Variants in PARVB observed in about 807,000 individuals in gnomAD.
The protein encoded by PARVB is beta-parvin.
A neutral mutation model predicts 47.0 loss-of-function variants in PARVB; 46 were observed. That is an observed-to-expected ratio of 0.98 (90% CI 0.77 to 1.25). PARVB has a LOEUF of 1.25. Among genes scored for constraint, PARVB ranks in the 50% most tolerant of loss-of-function variants. The pLI is 0.00. For missense variants in PARVB, 473 were observed against 471.6 expected, an observed-to-expected ratio of 1.00 and a Z score of -0.03; for synonymous variants, 196 against 196.3, an observed-to-expected ratio of 1.00 and a Z score of 0.01.
intron 8 of PARVB, chr22:44,145,866 A>G (rs1271148631): frequency 6.6e-6 from 1 of 151,514 alleles, no homozygotes; most frequent in Admixed American, 6.6e-5. Context: ...CTGCATTTAT[A>G]GTTTGCGTAT....
intron 4 of PARVB, among the ~76,000 whole-genome samples, chr22:44,124,425 G>T (rs1399684180): frequency 6.6e-6 from 1 of 152,176 alleles, no homozygotes; most frequent in Admixed American, 6.5e-5. Context: ...TTTCTTTTCT[G>T]CTCAACCTCC....
chr22:44,091,881 T>A (rs2052175926), intron 1 of PARVB, among the ~76,000 whole-genome samples: 1 of 152,100 alleles, frequency 6.6e-6, no homozygotes, highest in Non-Finnish European at 1.5e-5. Context: ...TATATTACCT[T>A]CGGGGGAGTG....
At chr22:44,035,137 T>C (rs1179733292) in intron 1 of PARVB, among the ~76,000 whole-genome samples, 2 of 152,194 alleles carry the variant, frequency 1.3e-5, no homozygotes, top group Non-Finnish European at 2.9e-5. Flanking sequence ...GCTGTATTCT[T>C]ACTACAAAGT....
intron 1 of PARVB, among the ~76,000 whole-genome samples, chr22:44,083,099 G>A (rs983942185): frequency 6.6e-6 from 1 of 152,134 alleles, no homozygotes; most frequent in African/African-American, 2.4e-5. Context: ...CCTCTACGTG[G>A]CCACATCAGG....
At chr22:44,046,167 G>A (rs964302777) in intron 1 of PARVB, among the ~76,000 whole-genome samples, 18 of 152,158 alleles carry the variant, frequency 1.2e-4, no homozygotes, top group African/African-American at 3.1e-4. Context: ...TTATGCTTTC[G>A]GATGCTGTTG....
chr22:44,004,252 A>C (rs948103944), intron 2 of PARVB, among the ~76,000 whole-genome samples: 6 of 152,248 alleles, frequency 3.9e-5, no homozygotes, highest in African/African-American at 1.4e-4. Flanking sequence ...CTGGGGCAGG[A>C]GCAGGCGCTC....
chr22:44,122,532 G>GAC (rs1569134380), intron 4 of PARVB, among the ~76,000 whole-genome samples: 10 of 97,282 alleles, frequency 1.0e-4, no homozygotes, highest in East Asian at 6.0e-4. Flanking sequence ...GAGAGACAGA[G>GAC]AGAGAGAGAG....
chr22:44,171,700 T>C lies in PARVB; in HGVS notation c.*3022T>C. ...CTATCCTCATGCCCACGTCACACTC[T>C]TGTGGGTTTCAAGTCGAACAGTAAA... On this transcript the variant is annotated 3_prime_UTR_variant, in exon 13 of 13. Transcript: ENST00000338758. 6.6e-6 allele frequency: 1 copy of C among 152,038 alleles called. No individual in the cohort carries two copies. The highest frequency in any genetic ancestry group is 2.1e-4 in the South Asian group (1 of 4,808). 9.4% of individuals were successfully genotyped at this position (152,038 alleles called of 1,614,324 possible).
chr22:44,050,459 T>G (rs2051189252), intron 1 of PARVB, among the ~76,000 whole-genome samples: 1 of 151,976 alleles, frequency 6.6e-6, no homozygotes, highest in Non-Finnish European at 1.5e-5. Context: ...TTCTCCTGCC[T>G]CAGCTTCCCA....
At chr22:44,036,331 A>G (rs2050922390) in intron 1 of PARVB, among the ~76,000 whole-genome samples, 2 of 152,120 alleles carry the variant, frequency 1.3e-5, no homozygotes, top group Non-Finnish European at 2.9e-5. Context: ...ATTTCTCTCA[A>G]CTGTGAACAC....
At chr22:44,082,819 C>A (rs1034477067) in intron 1 of PARVB, among the ~76,000 whole-genome samples, 3 of 152,208 alleles carry the variant, frequency 2.0e-5, no homozygotes, top group Non-Finnish European at 4.4e-5. Context: ...GACCGTGTTT[C>A]TGGGCCAAGG....
At chr22:44,117,247 G>C (rs1253639140) in intron 3 of PARVB, among the ~76,000 whole-genome samples, 1 of 152,156 alleles carries the variant, frequency 6.6e-6, no homozygotes, top group Non-Finnish European at 1.5e-5. Context: ...AGAGTGGGGA[G>C]GGAGAAGGGG....
At chr22:44,013,995 G>C (rs2050551773) in intron 2 of PARVB, among the ~76,000 whole-genome samples, 1 of 152,150 alleles carries the variant, frequency 6.6e-6, no homozygotes, top group African/African-American at 2.4e-5. Context: ...TGGGTGGATA[G>C]CTTGAGGCCA....
intron 8 of PARVB, chr22:44,140,832 A>AC (rs1296167143): frequency 8.2e-6 from 2 of 244,578 alleles, no homozygotes; most frequent in African/African-American, 4.6e-5. Flanking sequence ...AGAGGTAATC[A>AC]CTCTCTCTTC....
chr22:44,077,914 T>G (rs1253472337), intron 1 of PARVB, among the ~76,000 whole-genome samples: 1 of 151,950 alleles, frequency 6.6e-6, no homozygotes, highest in African/African-American at 2.4e-5. Flanking sequence ...GCCAGGCTGG[T>G]TTCGAACTCC....
chr22:44,130,593 G>C (rs1044767945), intron 4 of PARVB, among the ~76,000 whole-genome samples: 1 of 152,144 alleles, frequency 6.6e-6, no homozygotes, highest in African/African-American at 2.4e-5. Flanking sequence ...TCCTATTGTG[G>C]CATTAGAATG....
chr22:44,010,614 T>C (rs915391267), intron 2 of PARVB: 1 of 152,212 alleles, frequency 6.6e-6, no homozygotes, highest in Admixed American at 6.5e-5. Context: ...TGAATCACTG[T>C]TGTTTTCAAA....
intron 2 of PARVB, among the ~76,000 whole-genome samples, chr22:44,013,281 A>G (rs1298918743): frequency 6.6e-6 from 1 of 152,226 alleles, no homozygotes; most frequent in African/African-American, 2.4e-5. Flanking sequence ...AAAGAATCCA[A>G]ATTATCCCAT....
intron 1 of PARVB, among the ~76,000 whole-genome samples, chr22:44,071,845 G>A (rs911087673): frequency 2.0e-5 from 3 of 152,126 alleles, no homozygotes; most frequent in African/African-American, 4.8e-5. Context: ...GGCAATAATC[G>A]GGGTAACCCA....
Sources: allele counts gnomAD v4.1 joint callset (sites outside exome capture counted in the v4.1 genomes callset), GRCh38; gene constraint gnomAD v4.1.1; transcripts MANE v1.5; gene names NCBI Gene and HGNC (gene_info 2026-07-23, HGNC 2026-07-21).